The following CSMD2 variants were observed in gnomAD, a reference collection of about 807,000 sequenced individuals.
The protein encoded by CSMD2 is CUB and Sushi multiple domains 2, also known as CUB and sushi domain-containing protein 2.
In CSMD2, 130 loss-of-function variants were observed where a neutral mutation model predicts 398.5. The observed-to-expected ratio is 0.33, with a 90% CI of 0.28 to 0.38. The LOEUF (loss-of-function observed/expected upper bound fraction) is 0.38, where lower values mean the gene tolerates loss of function less well. Among genes scored for constraint, CSMD2 ranks in the 10% least tolerant of loss-of-function variants. The pLI is 1.00. For synonymous variants in CSMD2, 1,828 were observed against 1,908.5 expected (o/e 0.96, Z 1.10); for missense variants, 3,829 against 4,764.9 (o/e 0.80, Z 5.78).
intron 25 of CSMD2, among the ~76,000 whole-genome samples, chr1:33,671,090 G>C (rs569065714): frequency 6.6e-6 from 1 of 152,298 alleles, no homozygotes; most frequent in African/African-American, 2.4e-5. Flanking sequence ...AAGCTCTTCA[G>C]GAAGACAAAG....
chr1:33,620,685 G>A lies in CSMD2; in HGVS notation c.5827+1482C>T, dbSNP rs143157683. On this transcript the variant is annotated intron_variant, in intron 37 of 70. Transcript: ENST00000373381. ...GAAAGGAAAAAAATGTGATTTAGTCGAGAAACCCAGGATATTTCACTCCAC... is the reference window on the plus strand; with the variant it reads ...GAAAGGAAAAAAATGTGATTTAGTCAAGAAACCCAGGATATTTCACTCCAC... Among the ~76,000 whole-genome samples, 854 of 152,028 alleles carry A rather than the reference G, an allele frequency of 5.6e-3. 6 individuals carry two copies. The highest frequency in any genetic ancestry group is 0.019 in the African/African-American group (807 of 41,466).
intron 14 of CSMD2, among the ~76,000 whole-genome samples, chr1:33,740,964 G>C (rs1011760752): frequency 6.6e-6 from 1 of 152,190 alleles, no homozygotes; most frequent in Non-Finnish European, 1.5e-5. Flanking sequence ...TCAGTTTTCT[G>C]GCATGTGAAA....
intron 41 of CSMD2, chr1:33,605,859 G>C: frequency 8.1e-6 from 13 of 1,611,638 alleles, no homozygotes; most frequent in Non-Finnish European, 1.1e-5. Flanking sequence ...TTATCTCATT[G>C]AACCTTCACA....
chr1:33,727,417 A>G (rs1187275839), intron 15 of CSMD2, among the ~76,000 whole-genome samples: 1 of 152,036 alleles, frequency 6.6e-6, no homozygotes, highest in African/African-American at 2.4e-5. Flanking sequence ...CTTTCCCACC[A>G]CCACTGTCTC....
chr1:33,844,036 T>A (rs776508184), intron 6 of CSMD2, among the ~76,000 whole-genome samples: 1 of 152,196 alleles, frequency 6.6e-6, no homozygotes, highest in African/African-American at 2.4e-5. Context: ...CCTCTGTACA[T>A]TGTGCCTTCA....
chr1:33,729,018 G>A (rs768361746), intron 15 of CSMD2, among the ~76,000 whole-genome samples: 12 of 152,140 alleles, frequency 7.9e-5, no homozygotes, highest in East Asian at 7.7e-4. Context: ...GGGGAGGGGC[G>A]TGCCTATTGC....
intron 2 of CSMD2, among the ~76,000 whole-genome samples, chr1:34,051,831 G>C (rs1340873831): frequency 6.6e-6 from 1 of 152,176 alleles, no homozygotes; most frequent in Non-Finnish European, 1.5e-5. Context: ...CAACTTTACA[G>C]GGCACAGGAT....
At chr1:33,837,065 C>A (rs1252290402) in intron 6 of CSMD2, among the ~76,000 whole-genome samples, 3 of 152,194 alleles carry the variant, frequency 2.0e-5, no homozygotes, top group African/African-American at 7.2e-5. Context: ...AGTTTTTGAG[C>A]AATCCCAGGG....
intron 25 of CSMD2, among the ~76,000 whole-genome samples, chr1:33,675,008 A>G (rs1193380186): frequency 6.6e-6 from 1 of 152,248 alleles, no homozygotes; most frequent in African/African-American, 2.4e-5. Context: ...AGAAAGCAGG[A>G]AAGATCCAAA....
chr1:34,092,221 G>A (rs1317851546), intron 1 of CSMD2, among the ~76,000 whole-genome samples: 1 of 152,196 alleles, frequency 6.6e-6, no homozygotes, highest in African/African-American at 2.4e-5. Flanking sequence ...AATAACTGGA[G>A]AGACATAGCA....
Position 33,580,603 on chromosome 1 carries a change from A to G in CSMD2, c.7387+150T>C, listed in dbSNP as rs1235994495. The G allele has an allele frequency of 4.2e-6, 3 of 722,384 alleles. No homozygotes were observed. The African/African-American group carries it at 5.3e-5, about 13-fold the overall frequency. The allele number at this position is 722,384 out of a possible 1,614,324, so 44.7% of individuals were successfully genotyped here. A position where few individuals can be genotyped will look rare whatever the true frequency, so the allele number is the denominator to read the frequency against. On this transcript the variant is annotated intron_variant, in intron 48 of 70. Transcript: ENST00000373381. ...GGAAGAGGTTCAAGAGGGGAATGGA[A>G]TAGAAAAATAGGAGGTAGGGGAATG... is the stretch of plus-strand genomic sequence containing the variant.
intron 1 of CSMD2, among the ~76,000 whole-genome samples, chr1:34,133,596 A>C (rs1432533466): frequency 1.3e-5 from 2 of 151,688 alleles, no homozygotes; most frequent in Non-Finnish European, 2.9e-5. Flanking sequence ...GCACCACTGC[A>C]CTCCAGCTTG....
chr1:33,823,296 C>A (rs1482666811), intron 7 of CSMD2, among the ~76,000 whole-genome samples: 8 of 152,204 alleles, frequency 5.3e-5, no homozygotes, highest in Non-Finnish European at 1.2e-4. Flanking sequence ...GGTGGTCCCA[C>A]GAGGATCTTC....
chr1:34,093,375 C>T (rs1317099288), intron 1 of CSMD2, among the ~76,000 whole-genome samples: 4 of 152,200 alleles, frequency 2.6e-5, no homozygotes, highest in Non-Finnish European at 4.4e-5. Flanking sequence ...AGGAACGCAG[C>T]TCCTCACCAG....
chr1:33,848,811 T>TC (rs1557999374), intron 5 of CSMD2, among the ~76,000 whole-genome samples: 1 of 8,000 alleles, frequency 1.3e-4, no homozygotes, highest in African/African-American at 7.1e-4. Flanking sequence ...GTATTGTGGG[T>TC]TTTTTTTTTT....
Position 33,533,876 on chromosome 1 carries a change from T to G in CSMD2, c.9911A>C (p.Lys3304Thr). 1 of 1,614,054 alleles carries G rather than the reference T, an allele frequency of 6.2e-7. No individual in the cohort carries two copies. The highest frequency in any genetic ancestry group is 1.3e-5 in the African/African-American group (1 of 75,032). Reference protein sequence around the residue: ...VGSTVLFRCQKGYLLQGSTTR... With the variant: ...VGSTVLFRCQTGYLLQGSTTR... ...GGTGGAGCCCTGAAGCAGGTAGCCT[T>G]TTTGACAACGGAAGAGGACTGTGCT... Residue 3304 changes from lysine (K) to threonine (T), a missense_variant, in exon 63 of 71, where the codon AAA becomes ACA. Physicochemically the swap from Lys to Thr is moderately conservative, Grantham distance 78. Coordinates refer to ENST00000373381, the MANE Select transcript of CSMD2 (RefSeq NM_001281956.2). This position sits in a 1 kb window ranked among gnomAD's most constrained non-coding sequence, Gnocchi z 4.2.
chr1:33,810,479 C>A (rs946548291), intron 10 of CSMD2, among the ~76,000 whole-genome samples: 1 of 151,908 alleles, frequency 6.6e-6, no homozygotes, highest in African/African-American at 2.4e-5. Flanking sequence ...TGGTGAGGAA[C>A]CTGCATCACT....
At chr1:33,584,935 G>A (rs1638976706) in intron 46 of CSMD2, among the ~76,000 whole-genome samples, 1 of 152,128 alleles carries the variant, frequency 6.6e-6, no homozygotes, top group African/African-American at 2.4e-5. Flanking sequence ...CACCATGAGT[G>A]GGAGGGAAGC....
chr1:33,603,678 A>G (rs1478740410), intron 42 of CSMD2, among the ~76,000 whole-genome samples: 1 of 152,156 alleles, frequency 6.6e-6, no homozygotes. Flanking sequence ...AGCCAAACAC[A>G]CCAGCATCTG....
Sources: allele counts gnomAD v4.1 joint callset (sites outside exome capture counted in the v4.1 genomes callset), GRCh38; gene constraint gnomAD v4.1.1; non-coding constraint Gnocchi (gnomAD v3.1); transcripts MANE v1.5; gene names NCBI Gene and HGNC (gene_info 2026-07-23, HGNC 2026-07-21).